The following MACROH2A1 variants were observed in gnomAD, a reference collection of about 807,000 sequenced individuals.
MACROH2A1 encodes core histone macro-H2A.1.
A neutral mutation model predicts 31.6 loss-of-function variants in MACROH2A1; 2 were observed. The ratio of observed to expected loss-of-function variants is 0.06; its 90% CI spans 0.03 to 0.20. The LOEUF (loss-of-function observed/expected upper bound fraction) is 0.20, where lower values mean the gene tolerates loss of function less well. MACROH2A1 is among the 10% of genes least tolerant of loss of function. The pLI is 1.00. For missense variants in MACROH2A1, 230 were observed against 474.0 expected (o/e 0.49, Z 4.78); for synonymous variants, 169 against 189.6 (o/e 0.89, Z 0.89).
Position 135,369,307 on chromosome 5 carries a change from G to A in MACROH2A1, c.477+99C>T. On this transcript the variant is annotated intron_variant, in intron 4 of 8. Coordinates refer to ENST00000511689, the MANE Select transcript of MACROH2A1 (RefSeq NM_138610.3). The surrounding 1 kb of genome is among the most constrained non-coding windows in gnomAD (Gnocchi z 4.3). ...GTTCCTCCTTTATTCTCCCATCAGT[G>A]GGATGAGCCCACAGGGGGAATGAGG... 1.1e-6 allele frequency: 1 copy of A among 939,762 alleles called. No individual in the cohort carries two copies. The highest frequency in any genetic ancestry group is 1.4e-5 in the South Asian group (1 of 70,200). The allele number at this position is 939,762 out of a possible 1,614,324, so 58.2% of individuals were successfully genotyped here. A position where few individuals can be genotyped will look rare whatever the true frequency, so the allele number is the denominator to read the frequency against.
chr5:135,350,902 T>C, intron 6 of MACROH2A1: 2 of 1,609,642 alleles, frequency 1.2e-6, no homozygotes, highest in Non-Finnish European at 1.7e-6. Flanking sequence ...TGTCAGCCTG[T>C]ACAACTTGCA....
At chr5:135,346,987 TG>T (rs1255925124) in intron 6 of MACROH2A1, 4 of 152,224 alleles carry the variant, frequency 2.6e-5, no homozygotes, top group African/African-American at 9.6e-5. Context: ...TTGGCCAGAA[TG>T]GGGTCTGAGT....
intron 5 of MACROH2A1, chr5:135,358,844 G>C: frequency 1.0e-6 from 1 of 984,882 alleles, no homozygotes; most frequent in Non-Finnish European, 1.2e-6. Context: ...GTGATGCCTG[G>C]CCCTGAGACC....
In MACROH2A1 at chr5:135,369,245, T is replaced by C. The variant is rs1433802235; in HGVS notation, c.477+161A>G. The C allele has an allele frequency of 5.7e-5, 40 of 700,508 alleles. 1 individual carries two copies. The South Asian group carries it at 6.6e-4, about 12-fold the overall frequency. The allele number at this position is 700,508 out of a possible 1,614,324, so 43.4% of individuals were successfully genotyped here. A position where few individuals can be genotyped will look rare whatever the true frequency, so the allele number is the denominator to read the frequency against. On this transcript the variant is annotated intron_variant, in intron 4 of 8. Coordinates refer to ENST00000511689, the MANE Select transcript of MACROH2A1 (RefSeq NM_138610.3). This position sits in a 1 kb window ranked among gnomAD's most constrained non-coding sequence, Gnocchi z 4.3. ...GCCTCCTGACTCTGGCTACTTGTGT[T>C]GGACTAGCCCCTCTGGAGAGTAATC... is the stretch of plus-strand genomic sequence containing the variant.
At chr5:135,340,064 G>A (rs748984189) in intron 8 of MACROH2A1, among the ~76,000 whole-genome samples, 59 of 152,166 alleles carry the variant, frequency 3.9e-4, no homozygotes, top group Non-Finnish European at 7.8e-4. Context: ...CAGAGAGTAC[G>A]CAGGCAGGGG....
At chr5:135,387,735 T>C (rs557636627) in intron 2 of MACROH2A1, among the ~76,000 whole-genome samples, 3 of 152,216 alleles carry the variant, frequency 2.0e-5, no homozygotes, top group African/African-American at 7.2e-5. Context: ...ATGGGGTTAG[T>C]CTCCCTCCCT....
At chr5:135,350,739 G>T in intron 6 of MACROH2A1, 1 of 800,022 alleles carries the variant, frequency 1.2e-6, no homozygotes, top group Non-Finnish European at 2.2e-6. Context: ...ATGCAGCCCT[G>T]CATAGCTGTC....
rs1312187740 is a variant in MACROH2A1 at position 135,353,010 on chromosome 5, G to A, written c.624C>T (p.Ala208=). Residue 208 remains alanine (A), a synonymous_variant, in exon 6 of 9, where the codon GCC becomes GCT. Transcript: ENST00000511689. ...NLIHSEISNL[A]GFEVEAIINP... is the part of the protein sequence containing the mutation. ...TGATTATGGCCTCCACCTCAAAGCCGGCTAAATTACTGATTTCACTGTGAA... is the reference window on the plus strand; with the variant it reads ...TGATTATGGCCTCCACCTCAAAGCCAGCTAAATTACTGATTTCACTGTGAA... 3 of 1,608,918 alleles carry A rather than the reference G, an allele frequency of 1.9e-6. No homozygotes were observed. The highest frequency in any genetic ancestry group is 1.7e-5 in the Admixed American group (1 of 60,006).
At chr5:135,354,809 G>GC in intron 5 of MACROH2A1, 1 of 341,716 alleles carries the variant, frequency 2.9e-6, no homozygotes, top group South Asian at 2.3e-5. Context: ...TTGGCTCCAA[G>GC]CAAATGCTAT....
At chr5:135,373,012 C>CA (rs1764380270) in intron 2 of MACROH2A1, among the ~76,000 whole-genome samples, 1 of 152,180 alleles carries the variant, frequency 6.6e-6, no homozygotes, top group African/African-American at 2.4e-5. Flanking sequence ...CCCTCATTAA[C>CA]AGAGAGGAAG....
intron 8 of MACROH2A1, among the ~76,000 whole-genome samples, chr5:135,337,425 A>T (rs1359674850): frequency 1.3e-5 from 2 of 152,244 alleles, no homozygotes; most frequent in Non-Finnish European, 2.9e-5. Flanking sequence ...ACACACCAAA[A>T]GTGTGCCAGT....
At chr5:135,351,108 A>G in intron 6 of MACROH2A1, 1 of 469,364 alleles carries the variant, frequency 2.1e-6, no homozygotes, top group Admixed American at 3.7e-5. Context: ...ATCAAATGTG[A>G]CATGTTTAAA....
rs1323663269 is a variant in MACROH2A1, at chr5:135,398,762, C to T, written c.-34+300G>A. On this transcript the variant is annotated intron_variant, in intron 1 of 8. Coordinates refer to ENST00000511689, the MANE Select transcript of MACROH2A1 (RefSeq NM_138610.3). This position sits in a 1 kb window ranked among gnomAD's most constrained non-coding sequence, Gnocchi z 4.6. The stretch of plus-strand genomic sequence containing the variant: ...CAGGAAGGGTCGCCAGGGTAGGCGC[C>T]AGCACCGCTTTTTTCCCACAAAAGC... 6.6e-6 allele frequency among the ~76,000 whole-genome samples: 1 copy of T among 152,248 alleles called. No individual in the cohort carries two copies. The highest frequency in any genetic ancestry group is 1.5e-5 in the Non-Finnish European group (1 of 68,042).
At chr5:135,374,177 G>C (rs777403570) in intron 2 of MACROH2A1, among the ~76,000 whole-genome samples, 27 of 152,236 alleles carry the variant, frequency 1.8e-4, no homozygotes, top group Non-Finnish European at 3.4e-4. Flanking sequence ...CCTTAGTCCA[G>C]GTTTAGAAAA....
chr5:135,354,793 C>T, intron 5 of MACROH2A1: 1 of 338,522 alleles, frequency 3.0e-6, no homozygotes, highest in Non-Finnish European at 5.8e-6. Context: ...TTATTTAGTT[C>T]TGCATTTGGC....
intron 5 of MACROH2A1, chr5:135,358,312 GTGCT>G (rs1322744224): frequency 1.0e-6 from 1 of 985,264 alleles, no homozygotes; most frequent in Non-Finnish European, 1.2e-6. Context: ...TCTAACACTG[GTGCT>G]TAGGCTGACT....
intron 2 of MACROH2A1, among the ~76,000 whole-genome samples, chr5:135,383,074 T>G (rs1765871728): frequency 6.6e-6 from 1 of 152,212 alleles, no homozygotes; most frequent in Non-Finnish European, 1.5e-5. Context: ...CCTGACCCAC[T>G]TGGGTCTGTT....
rs956981470 is a variant in MACROH2A1, at chr5:135,398,083, T to G, written c.-34+979A>C. Among the ~76,000 whole-genome samples, 5 of 152,218 alleles carry G rather than the reference T, an allele frequency of 3.3e-5. No homozygotes were observed. The highest frequency in any genetic ancestry group is 3.3e-4 in the Admixed American group (5 of 15,286). On this transcript the variant is annotated intron_variant, in intron 1 of 8. Coordinates refer to ENST00000511689, the MANE Select transcript of MACROH2A1 (RefSeq NM_138610.3). This position sits in a 1 kb window ranked among gnomAD's most constrained non-coding sequence, Gnocchi z 4.6. ...TTGAATTCAAGGTTTGTCCCAGTTG[T>G]TTGTACAGAAGTCTCTCACTTTGAA...
Position 135,353,143 on chromosome 5 carries a change from T to G in MACROH2A1, c.589-98A>C, listed in dbSNP as rs868207270. 7.9e-6 allele frequency: 6 copies of G among 764,024 alleles called. No individual in the cohort carries two copies. The African/African-American group carries it at 1.0e-4, about 13-fold the overall frequency. The allele number at this position is 764,024 out of a possible 1,614,324, so 47.3% of individuals were successfully genotyped here. On this transcript the variant is annotated intron_variant, in intron 5 of 8. Transcript: ENST00000511689. ...GGTAAAGGACAGTGGACACTCCAAG[T>G]GCACGAGGCACAAAAGGGAAGCAGG...
Sources: allele counts gnomAD v4.1 joint callset (sites outside exome capture counted in the v4.1 genomes callset), GRCh38; gene constraint gnomAD v4.1.1; non-coding constraint Gnocchi (gnomAD v3.1); transcripts MANE v1.5; gene names NCBI Gene and HGNC (gene_info 2026-07-23, HGNC 2026-07-21).